Variants in DMD observed in about 807,000 individuals in gnomAD.
DMD encodes the protein mutant dystrophin.
Under a neutral mutation model 330.1 loss-of-function variants are expected in DMD, and 63 were observed. The observed-to-expected ratio is 0.19, with a 90% CI of 0.16 to 0.24. DMD has a LOEUF of 0.24. Among genes scored for constraint, DMD ranks in the 10% least tolerant of loss-of-function variants. DMD has a pLI of 1.00. For missense variants in DMD, 3,344 were observed against 2,684.1 expected (o/e 1.25, Z -5.43); for synonymous variants, 1,223 against 959.8 (o/e 1.27, Z -5.07).
intron 7 of DMD, among the ~76,000 whole-genome samples, chrX:32,713,815 T>A (rs1183370536): frequency 1.8e-5 from 2 of 111,596 alleles, no homozygotes; most frequent in Non-Finnish European, 3.8e-5. Flanking sequence ...ATGACAGGGT[T>A]ACATTCCAAT....
chrX:32,595,670 T>C (rs1255084598), intron 13 of DMD, 87 bp downstream of exon 13: 11 of 917,145 alleles, frequency 1.2e-5, no homozygotes, highest in South Asian at 6.3e-5. Flanking sequence ...TTTTAATATA[T>C]AAATTGCATT....
At chrX:31,910,723 G>A (rs7063448) in intron 47 of DMD, among the ~76,000 whole-genome samples, 2,868 of 111,319 alleles carry the variant, frequency 0.026, 85 homozygotes, top group African/African-American at 0.085. Flanking sequence ...TTTAGAGATT[G>A]GTGGTATTAA....
chrX:32,213,181 T>G (rs1365921879), intron 44 of DMD, among the ~76,000 whole-genome samples: 1 of 112,486 alleles, frequency 8.9e-6, no homozygotes, highest in Non-Finnish European at 1.9e-5. Context: ...TATGGGCTGC[T>G]TGGTTGATTT....
intron 60 of DMD, among the ~76,000 whole-genome samples, chrX:31,350,630 TGTGAGA>T (rs1309265097): frequency 0.012 from 560 of 47,435 alleles, 3 homozygotes; most frequent in African/African-American, 0.021. Flanking sequence ...TGTGTGTGTG[TGTGAGA>T]GAGAGAGAGA....
At chrX:32,593,073 G>C (rs759274174) in intron 13 of DMD, among the ~76,000 whole-genome samples, 1 of 112,737 alleles carries the variant, frequency 8.9e-6, no homozygotes, top group African/African-American at 3.2e-5. Context: ...ATGGGGATCC[G>C]GGCCAGTAGT....
chrX:31,380,738 G>T (rs2060136369), intron 60 of DMD, among the ~76,000 whole-genome samples: 1 of 110,376 alleles, frequency 9.1e-6, no homozygotes. Context: ...CCATTATTCT[G>T]TTCTGGATCT....
chrX:31,490,751 G>A (rs1005387733), intron 57 of DMD, among the ~76,000 whole-genome samples: 5 of 111,580 alleles, frequency 4.5e-5, no homozygotes, highest in African/African-American at 6.5e-5. Context: ...CAGAAAACTC[G>A]TCAAGCTAAC....
At chrX:32,519,695 C>A (rs942775331) in intron 17 of DMD, among the ~76,000 whole-genome samples, 7 of 111,823 alleles carry the variant, frequency 6.3e-5, no homozygotes, top group African/African-American at 2.3e-4. Context: ...TATCATTAAA[C>A]CAGTTATATC....
At chrX:32,480,120 G>T (rs951135344) in intron 21 of DMD, among the ~76,000 whole-genome samples, 1 of 111,264 alleles carries the variant, frequency 9.0e-6, no homozygotes, top group Non-Finnish European at 1.9e-5. Flanking sequence ...GACATTTCTC[G>T]CAATAAGAGG....
chrX:32,312,938 G>GA (rs2097568529), intron 41 of DMD, among the ~76,000 whole-genome samples: 1 of 13,352 alleles, frequency 7.5e-5, no homozygotes, highest in Non-Finnish European at 1.5e-4. Context: ...AATAGCCTAC[G>GA]AACCAAAAAA....
At chrX:33,176,445 C>T (rs182177293) in intron 1 of DMD, among the ~76,000 whole-genome samples, 30 of 107,395 alleles carry the variant, frequency 2.8e-4, no homozygotes, top group Non-Finnish European at 4.0e-4. Context: ...ACCAGGTATA[C>T]GTATAATTAT....
intron 2 of DMD, among the ~76,000 whole-genome samples, chrX:33,006,671 G>C (rs112697140): frequency 6.3e-5 from 7 of 111,411 alleles, no homozygotes; most frequent in South Asian, 3.8e-4. Flanking sequence ...AGAGGCACTT[G>C]TATCATCTCT....
chrX:33,319,605 GAGGAATTATCATA>G (rs2053985353), intron 1 of DMD, among the ~76,000 whole-genome samples: 1 of 112,041 alleles, frequency 8.9e-6, no homozygotes. Flanking sequence ...TACCCATTAT[GAGGAATTATCATA>G]AGCATAACCT....
At chrX:33,280,990 C>T (rs2053321378) in intron 1 of DMD, among the ~76,000 whole-genome samples, 2 of 111,575 alleles carry the variant, frequency 1.8e-5, no homozygotes, top group African/African-American at 6.5e-5. Context: ...CTAAAATTTT[C>T]GTAAGAATTG....
intron 7 of DMD, among the ~76,000 whole-genome samples, chrX:32,705,613 A>G (rs1390412789): frequency 9.0e-6 from 1 of 111,358 alleles, no homozygotes; most frequent in Non-Finnish European, 1.9e-5. Context: ...TAGGAATTTG[A>G]CACCAGCCTG....
intron 29 of DMD, among the ~76,000 whole-genome samples, chrX:32,430,835 T>C (rs66882555): frequency 0.031 from 3,471 of 111,736 alleles, 139 homozygotes; most frequent in African/African-American, 0.096. Context: ...GCTTACTTCA[T>C]GTAGCATAAT....
rs1330878745 is a variant in DMD, at chrX:32,186,099, A to G, written c.6438+30817T>C. Among the ~76,000 whole-genome samples the G allele has an allele frequency of 2.7e-5, 3 of 111,256 alleles. No individual in the cohort carries two copies. The East Asian group carries it at 8.5e-4, about 31-fold the overall frequency. On this transcript the variant is annotated intron_variant, in intron 44 of 78. Transcript: ENST00000357033. ...GATCTGACATGATTGAGCTAACCCA[A>G]GAAAGAAAATTCCCCTCTGAAGTGA...
At chrX:32,344,324 C>T (rs1205388244) in intron 39 of DMD, among the ~76,000 whole-genome samples, 1 of 111,247 alleles carries the variant, frequency 9.0e-6, no homozygotes, top group East Asian at 2.8e-4. Context: ...TCATAAGGAC[C>T]AGAATTGGAA....
Position 31,126,682 on chromosome X carries a change from A to G in DMD, c.11015-9T>C. The stretch of plus-strand genomic sequence containing the variant: ...TCCAGGGGTATTTCTTCCTTTAATA[A>G]TAGAGAGAGGAAGAGGCAGAGATAT... On this transcript the variant is annotated splice_polypyrimidine_tract_variant and intron_variant, in intron 77 of 78. Coordinates refer to ENST00000357033, the MANE Select transcript of DMD (RefSeq NM_004006.3). 1 of 1,178,314 alleles carries G rather than the reference A, an allele frequency of 8.5e-7. No individual in the cohort carries two copies. The highest frequency in any genetic ancestry group is 1.8e-5 in the African/African-American group (1 of 56,992).
Sources: gnomAD v4.1 joint callset for allele counts (sites outside exome capture counted in the v4.1 genomes callset) on GRCh38, gnomAD v4.1.1 for gene constraint, MANE v1.5 for transcripts, NCBI Gene and HGNC (gene_info 2026-07-23, HGNC 2026-07-21) for gene names.